PLEKHA1: variants seen among roughly 807,000 people sequenced by gnomAD.
PLEKHA1 encodes the protein pleckstrin homology domain containing A1.
Under a neutral mutation model 52.0 loss-of-function variants are expected in PLEKHA1, and 34 were observed. The ratio of observed to expected loss-of-function variants is 0.65; its 90% CI spans 0.50 to 0.87. The LOEUF (loss-of-function observed/expected upper bound fraction) is 0.87, where lower values mean the gene tolerates loss of function less well. PLEKHA1 is among the 40% of genes least tolerant of loss of function. The pLI, the probability that PLEKHA1 is intolerant of heterozygous loss-of-function variation, is 0.00. For missense variants in PLEKHA1, 497 were observed against 504.2 expected (o/e 0.99, Z 0.14); for synonymous variants, 163 against 170.7 (o/e 0.95, Z 0.35).
intron 1 of PLEKHA1, among the ~76,000 whole-genome samples, chr10:122,376,626 G>A (rs1373891875): frequency 6.6e-6 from 1 of 151,896 alleles, no homozygotes; most frequent in Non-Finnish European, 1.5e-5. Context: ...CGCTTTGGGA[G>A]GGGGGAAAGT....
At chr10:122,428,356 C>T (rs1184758510) in intron 11 of PLEKHA1, 1 of 1,544,752 alleles carries the variant, frequency 6.5e-7, no homozygotes, top group Non-Finnish European at 8.7e-7. Context: ...CGTATGTGGG[C>T]TCTCACGCAA....
In PLEKHA1 at chr10:122,393,332, T is replaced by A; in HGVS notation, c.132T>A (p.Asp44Glu). 1 of 1,605,276 alleles carries A rather than the reference T, an allele frequency of 6.2e-7. No homozygotes were observed. Among genetic ancestry groups the A allele is most frequent in the Non-Finnish European group, 8.5e-7 (1 of 1,176,680 alleles). The change falls in exon 2 of 12, where the codon GAT (aspartate) becomes GAA (glutamate). Residue 44 changes from aspartate to glutamate, a missense_variant. Coordinates refer to ENST00000368990, the MANE Select transcript of PLEKHA1 (RefSeq NM_001001974.4). The surrounding 1 kb of genome is among the most constrained non-coding windows in gnomAD (Gnocchi z 4.5). ...TREDSFVWYM[D>E]NPQNLPSGSS... Reference sequence around the variant, plus strand: ...AAGATAGTTTCGTGTGGTACATGGATAATCCACAGGTTTGTAAAATCCCAA... The same window carrying A: ...AAGATAGTTTCGTGTGGTACATGGAAAATCCACAGGTTTGTAAAATCCCAA...
At chr10:122,379,560 ACCT>A (rs745729875) in intron 1 of PLEKHA1, among the ~76,000 whole-genome samples, 2 of 151,764 alleles carry the variant, frequency 1.3e-5, no homozygotes, top group Non-Finnish European at 2.9e-5. Flanking sequence ...TTTGGTGAAG[ACCT>A]CCTTCTTTTC....
chr10:122,428,601 A>G (rs1332625152), intron 11 of PLEKHA1, among the ~76,000 whole-genome samples: 3 of 152,254 alleles, frequency 2.0e-5, no homozygotes, highest in African/African-American at 7.2e-5. Context: ...AACTGCTGCA[A>G]GAGTTTCAAT....
At chr10:122,387,635 TG>T (rs1434802967) in intron 1 of PLEKHA1, 1 of 152,216 alleles carries the variant, frequency 6.6e-6, no homozygotes, top group African/African-American at 2.4e-5. Flanking sequence ...AGCTCCATCT[TG>T]GGGGTCTCTC....
intron 5 of PLEKHA1, among the ~76,000 whole-genome samples, chr10:122,411,313 A>G (rs897908085): frequency 2.0e-5 from 3 of 152,196 alleles, no homozygotes; most frequent in Non-Finnish European, 2.9e-5. Context: ...TTTAGAAGTC[A>G]CTTAAGAGAC....
intron 1 of PLEKHA1, among the ~76,000 whole-genome samples, chr10:122,390,166 C>A (rs2096757116): frequency 6.6e-6 from 1 of 152,198 alleles, no homozygotes; most frequent in Non-Finnish European, 1.5e-5. Context: ...TTCCAGCTTT[C>A]TTCCTGTAGC....
intron 1 of PLEKHA1, among the ~76,000 whole-genome samples, chr10:122,383,785 TTTTG>T (rs1032513836): frequency 4.6e-5 from 7 of 152,312 alleles, no homozygotes; most frequent in East Asian, 3.8e-4. Flanking sequence ...GTCAGTGTTT[TTTTG>T]TTTGTTTTTG....
rs746534987 is a variant in PLEKHA1, at chr10:122,429,808, C to G, written c.1085C>G (p.Ser362Cys). 4 of 1,614,084 alleles carry G rather than the reference C, an allele frequency of 2.5e-6. No individual in the cohort carries two copies. Among genetic ancestry groups the G allele is most frequent in the South Asian group, 2.2e-5 (2 of 91,080 alleles). Residue 362 changes from serine (S) to cysteine (C), a missense_variant, in exon 12 of 12, where the codon TCT becomes TGT. By Grantham distance (112) the Ser-to-Cys change is moderately radical (BLOSUM62 -1). Coordinates refer to ENST00000368990, the MANE Select transcript of PLEKHA1 (RefSeq NM_001001974.4). Reference protein sequence around the residue: ...KPGNFKVQTVSPREPASKVTE... With the variant: ...KPGNFKVQTVCPREPASKVTE... ...GGGAACTTCAAGGTCCAGACTGTCTCTCCAAGAGAACCAGCTTCCAAAGTG... is the reference window on the plus strand; with the variant it reads ...GGGAACTTCAAGGTCCAGACTGTCTGTCCAAGAGAACCAGCTTCCAAAGTG...
Position 122,430,064 on chromosome 10 carries a change from T to C in PLEKHA1, c.*126T>C. 2 of 1,046,108 alleles carry C rather than the reference T, an allele frequency of 1.9e-6. No homozygotes were observed. The highest frequency in any genetic ancestry group is 2.7e-6 in the Non-Finnish European group (2 of 743,224). 64.8% of individuals were successfully genotyped at this position (1,046,108 alleles called of 1,614,324 possible). On this transcript the variant is annotated 3_prime_UTR_variant, in exon 12 of 12. Coordinates refer to ENST00000368990, the MANE Select transcript of PLEKHA1 (RefSeq NM_001001974.4). Reference sequence around the variant, plus strand: ...ATATTATACTGCCTCTTAGGTGTACTCTTTATAAGCTGGTAAACCAAGAAT... The same window carrying C: ...ATATTATACTGCCTCTTAGGTGTACCCTTTATAAGCTGGTAAACCAAGAAT...
At chr10:122,418,968 A>T (rs1057177719) in intron 8 of PLEKHA1, 3 of 152,240 alleles carry the variant, frequency 2.0e-5, no homozygotes, top group African/African-American at 7.2e-5. Flanking sequence ...AGTGCTGGAA[A>T]TGTGGCTAGT....
At chr10:122,437,573 GAAGAA>G in the PLEKHA1 span, 10 of 152,232 alleles carry the variant, frequency 6.6e-5, no homozygotes, top group African/African-American at 1.9e-4. Flanking sequence ...GAAGATGAAA[GAAGAA>G]AAGAGAACCA....
chr10:122,419,069 G>C (rs1028911709), intron 8 of PLEKHA1: 1 of 152,186 alleles, frequency 6.6e-6, no homozygotes, highest in African/African-American at 2.4e-5. Flanking sequence ...CAGAGCACTA[G>C]TGTATAGGAA....
chr10:122,413,254 C>A (rs184794827), intron 6 of PLEKHA1, among the ~76,000 whole-genome samples: 3 of 152,222 alleles, frequency 2.0e-5, no homozygotes, highest in Admixed American at 2.0e-4. Flanking sequence ...AGCCTTTCTT[C>A]ATGTACTTTT....
intron 4 of PLEKHA1, among the ~76,000 whole-genome samples, chr10:122,401,624 T>C (rs2096930584): frequency 6.6e-6 from 1 of 152,102 alleles, no homozygotes; most frequent in African/African-American, 2.4e-5. Flanking sequence ...CAAATGGAAA[T>C]GTTCTGTTGA....
downstream of PLEKHA1, chr10:122,433,303 A>T (rs955140708): frequency 6.6e-6 from 1 of 152,198 alleles, no homozygotes; most frequent in Non-Finnish European, 1.5e-5. Context: ...CCCACCATCA[A>T]TGCTAACTGA....
At chr10:122,421,678 G>A (rs1193151810) in intron 8 of PLEKHA1, 1 of 152,004 alleles carries the variant, frequency 6.6e-6, no homozygotes, top group African/African-American at 2.4e-5. Context: ...TACCTGGTAG[G>A]CAAATGAACA....
At chr10:122,404,733 C>CTT (rs916108306) in intron 4 of PLEKHA1, among the ~76,000 whole-genome samples, 2 of 152,168 alleles carry the variant, frequency 1.3e-5, no homozygotes, top group Non-Finnish European at 2.9e-5. Flanking sequence ...TGTTAAATTT[C>CTT]TTTTAAGGTT....
At chr10:122,389,038 C>T (rs1228712725) in intron 1 of PLEKHA1, among the ~76,000 whole-genome samples, 1 of 152,166 alleles carries the variant, frequency 6.6e-6, no homozygotes, top group Non-Finnish European at 1.5e-5. Context: ...TCTTTCAAAA[C>T]CTTGTTAATG....
Sources: allele counts gnomAD v4.1 joint callset (sites outside exome capture counted in the v4.1 genomes callset), GRCh38; gene constraint gnomAD v4.1.1; non-coding constraint Gnocchi (gnomAD v3.1); transcripts MANE v1.5; gene names NCBI Gene and HGNC (gene_info 2026-07-23, HGNC 2026-07-21).